The following ZNF821 variants were observed in gnomAD, a reference collection of about 807,000 sequenced individuals.
ZNF821 encodes the protein zinc finger protein 821.
ZNF821 carries 16 observed loss-of-function variants against 44.3 expected under a neutral mutation model. The ratio of observed to expected loss-of-function variants is 0.36; its 90% confidence interval spans 0.24 to 0.55. The LOEUF is 0.55. Ranked by LOEUF, ZNF821 falls within the 20% of genes least tolerant of loss-of-function variation. ZNF821 has a pLI of 0.86. For synonymous variants in ZNF821, 204 were observed against 197.6 expected (o/e 1.03, Z -0.27); for missense variants, 436 against 547.6 (o/e 0.80, Z 2.03).
At chr16:71,892,530 A>C (rs1030526690) in intron 1 of ZNF821, among the ~76,000 whole-genome samples, 15 of 148,826 alleles carry the variant, frequency 1.0e-4, no homozygotes, top group African/African-American at 3.2e-4. Flanking sequence ...GGCCTCCCAA[A>C]GTGCTGCGAT....
At chr16:71,868,864 G>A (rs977174050) in intron 3 of ZNF821, among the ~76,000 whole-genome samples, 4 of 151,836 alleles carry the variant, frequency 2.6e-5, no homozygotes, top group East Asian at 1.9e-4. Context: ...GGGTTTCACC[G>A]TGTTAGCCAG....
At chr16:71,880,122 T>A in intron 2 of ZNF821, 99 bp from the exon 3 acceptor site, 1 of 516,130 alleles carries the variant, frequency 1.9e-6, no homozygotes. Context: ...CCTGAGCATA[T>A]AAAACTCACC....
chr16:71,891,895 C>T (rs954617627), intron 1 of ZNF821, among the ~76,000 whole-genome samples: 4 of 149,348 alleles, frequency 2.7e-5, no homozygotes, highest in Admixed American at 2.1e-4. Flanking sequence ...ACTCAGGAGG[C>T]TGAGGCAGCA....
At chr16:71,865,452 A>G (rs1476243601) in intron 4 of ZNF821, among the ~76,000 whole-genome samples, 2 of 152,150 alleles carry the variant, frequency 1.3e-5, no homozygotes, top group South Asian at 2.1e-4. Flanking sequence ...CCCCCTGCAC[A>G]ACTTCTCCAC....
At chr16:71,876,700 T>C (rs1017358136) in intron 3 of ZNF821, among the ~76,000 whole-genome samples, 1 of 152,096 alleles carries the variant, frequency 6.6e-6, no homozygotes. Flanking sequence ...CTCGACCTTT[T>C]GGGTTCAAGC....
chr16:71,873,217 G>A (rs897444840), intron 3 of ZNF821, among the ~76,000 whole-genome samples: 2 of 152,112 alleles, frequency 1.3e-5, no homozygotes, highest in Non-Finnish European at 2.9e-5. Flanking sequence ...TGCTACTTGG[G>A]AGGCTGAGGC....
chr16:71,892,211 G>A (rs955004540), intron 1 of ZNF821, among the ~76,000 whole-genome samples: 5,354 of 44,328 alleles, frequency 0.12, 6 homozygotes, highest in East Asian at 0.23. Flanking sequence ...AAAAAAAAAA[G>A]AATCATGTCA....
At chr16:71,872,731 A>G (rs1040332416) in intron 3 of ZNF821, among the ~76,000 whole-genome samples, 1 of 152,278 alleles carries the variant, frequency 6.6e-6, no homozygotes, top group Non-Finnish European at 1.5e-5. Flanking sequence ...GGTGCTATCC[A>G]AAGTGGGGAA....
intron 4 of ZNF821, among the ~76,000 whole-genome samples, chr16:71,867,699 G>C (rs1409223531): frequency 6.6e-6 from 1 of 150,442 alleles, no homozygotes; most frequent in Non-Finnish European, 1.5e-5. Flanking sequence ...AAAAAAAAAA[G>C]TATATATATA....
At chr16:71,865,857 T>C (rs1355409101) in intron 4 of ZNF821, among the ~76,000 whole-genome samples, 4 of 152,142 alleles carry the variant, frequency 2.6e-5, no homozygotes, top group African/African-American at 9.7e-5. Flanking sequence ...GGAATTGAGT[T>C]TGTTTTAGTT....
intron 3 of ZNF821, among the ~76,000 whole-genome samples, chr16:71,877,676 T>A (rs1387816921): frequency 5.3e-5 from 8 of 151,846 alleles, no homozygotes; most frequent in Non-Finnish European, 1.0e-4. Context: ...CCCAGCACTT[T>A]GGGAGGCTGA....
At chr16:71,864,374 G>A (rs1010941831) in intron 5 of ZNF821, 132 bp from the exon 6 acceptor site, 2 of 720,914 alleles carry the variant, frequency 2.8e-6, no homozygotes, top group Non-Finnish European at 4.8e-6. Flanking sequence ...TTCCCTTTGT[G>A]GGCTGAAGGA....
upstream of ZNF821, among the ~76,000 whole-genome samples, chr16:71,885,882 G>C (rs2036835546): frequency 6.6e-6 from 1 of 152,180 alleles, no homozygotes; most frequent in Non-Finnish European, 1.5e-5. Context: ...CAACCCGCAA[G>C]TGTTTGTACT....
At position 71,873,945 on chromosome 16, in the gene ZNF821, G is replaced by A. The variant is rs1044882932; in HGVS notation, c.41-5908C>T. Among the ~76,000 whole-genome samples the A allele has an allele frequency of 2.0e-5, 3 of 147,198 alleles. No homozygotes were observed. The East Asian group carries it at 6.1e-4, about 30-fold the overall frequency. ...TGAGATTACAGGTGTGAGCGACCAC[G>A]CCCGGCTGGAATTTTTTTTTTTTTT... On this transcript the variant is annotated intron_variant, in intron 3 of 7. Transcript: ENST00000425432.
At chr16:71,865,302 T>A (rs1230609005) in intron 4 of ZNF821, among the ~76,000 whole-genome samples, 2 of 152,160 alleles carry the variant, frequency 1.3e-5, no homozygotes, top group African/African-American at 2.4e-5. Context: ...TCTACATGAT[T>A]ATAAAAATAA....
intron 5 of ZNF821, 156 bp downstream of exon 5, chr16:71,864,747 C>G (rs911674559): frequency 2.4e-5 from 20 of 845,556 alleles, no homozygotes; most frequent in Admixed American, 5.7e-5. Flanking sequence ...AACTGAGAGT[C>G]TGAGGTGTGG....
In ZNF821 at chr16:71,860,856, C is replaced by CCCT. The variant is rs2033780329; in HGVS notation, c.585-185_585-184insAGG. Among the ~76,000 whole-genome samples the CCCT allele has an allele frequency of 2.2e-5, 3 of 135,972 alleles. No individual in the cohort carries two copies. The highest frequency in any genetic ancestry group is 1.6e-5 in the Non-Finnish European group (1 of 63,866). The allele number at this position is 135,972 out of a possible 152,430, so 89.2% of individuals were successfully genotyped here. ...TCTTCGCGTGAGAGTTGTCTACCAA[C>CCCT]TTTTTTTTTTTTTTTTTGAGACAGA... On this transcript the variant is annotated intron_variant, in intron 7 of 7. Transcript: ENST00000425432. This position sits in a 1 kb window ranked among gnomAD's most constrained non-coding sequence, Gnocchi z 7.3.
At chr16:71,894,613 C>T (rs1206929963) in intron 1 of ZNF821, 18 of 496,218 alleles carry the variant, frequency 3.6e-5, no homozygotes, top group Non-Finnish European at 2.9e-5. Context: ...GCAGCAGCGA[C>T]CTTCTGGGCT....
Position 71,861,856 on chromosome 16 carries a change from G to A in ZNF821, c.504C>T (p.His168=). Residue 168 remains histidine (H), a synonymous_variant, in exon 7 of 8, where the codon CAC becomes CAT. Transcript: ENST00000425432. ...GCTGGTCCTCCGAGTGGATTAAGAGGTGGCGACCCAATGACCCCGGGGAGC... is the reference window on the plus strand; with the variant it reads ...GCTGGTCCTCCGAGTGGATTAAGAGATGGCGACCCAATGACCCCGGGGAGC... ...ALSSPGSLGR[H]LLIHSEDQRS... is the part of the protein sequence containing the mutation. 5.0e-6 allele frequency: 8 copies of A among 1,614,138 alleles called. No homozygotes were observed. Among genetic ancestry groups the A allele is most frequent in the Non-Finnish European group, 6.8e-6 (8 of 1,180,038 alleles).
Sources: gnomAD v4.1 joint callset for allele counts (sites outside exome capture counted in the v4.1 genomes callset) on GRCh38, gnomAD v4.1.1 for gene constraint, Gnocchi (gnomAD v3.1) non-coding constraint, MANE v1.5 for transcripts, NCBI Gene and HGNC (gene_info 2026-07-23, HGNC 2026-07-21) for gene names.